SCFD2: variants seen among roughly 807,000 people sequenced by gnomAD.
SCFD2 encodes sec1 family domain-containing protein 2.
In SCFD2, 54 loss-of-function variants were observed where a neutral mutation model predicts 58.9. The ratio of observed to expected loss-of-function variants is 0.92; its 90% CI spans 0.74 to 1.15. The LOEUF (loss-of-function observed/expected upper bound fraction) is 1.15. Among genes scored for constraint, SCFD2 ranks in the 50% most tolerant of loss-of-function variants. The pLI is 0.00. For missense variants in SCFD2, 805 were observed against 836.6 expected (o/e 0.96, Z 0.47); for synonymous variants, 321 against 335.9 (o/e 0.96, Z 0.49).
intron 5 of SCFD2, among the ~76,000 whole-genome samples, chr4:53,132,167 A>T (rs533434940): frequency 1.3e-5 from 2 of 152,370 alleles, no homozygotes; most frequent in African/African-American, 4.8e-5. Flanking sequence ...GGAAGCTCTA[A>T]GTATCTTTCT....
At chr4:53,226,624 A>G (rs577586288) in intron 4 of SCFD2, among the ~76,000 whole-genome samples, 2 of 152,300 alleles carry the variant, frequency 1.3e-5, no homozygotes, top group African/African-American at 4.8e-5. Context: ...AAAAATAACA[A>G]TAAACAAAAC....
chr4:53,048,075 G>C (rs1432377038), intron 5 of SCFD2, among the ~76,000 whole-genome samples: 1 of 152,150 alleles, frequency 6.6e-6, no homozygotes, highest in East Asian at 1.9e-4. Flanking sequence ...TCTAGGCTAC[G>C]CGCAGTTGCT....
chr4:53,328,605 C>T (rs1733298010), intron 2 of SCFD2, among the ~76,000 whole-genome samples: 1 of 152,154 alleles, frequency 6.6e-6, no homozygotes, highest in South Asian at 2.1e-4. Context: ...TACAAACATA[C>T]ATACATGCGG....
At chr4:52,949,631 G>C (rs548203197) in intron 5 of SCFD2, 6 of 152,278 alleles carry the variant, frequency 3.9e-5, no homozygotes, top group African/African-American at 1.4e-4. Context: ...AGTTCCTCCT[G>C]GTCCACTGGC....
At chr4:53,195,148 C>T (rs1271525795) in intron 4 of SCFD2, among the ~76,000 whole-genome samples, 1 of 152,116 alleles carries the variant, frequency 6.6e-6, no homozygotes, top group Admixed American at 6.6e-5. Flanking sequence ...TTACTCAAGC[C>T]TCTGTATCCC....
chr4:53,238,585 G>A (rs1248589160), intron 4 of SCFD2, among the ~76,000 whole-genome samples: 3 of 151,124 alleles, frequency 2.0e-5, no homozygotes, highest in African/African-American at 7.3e-5. Context: ...CCGGGCGGAG[G>A]GGCTCCTCAC....
rs142133865 is a variant in SCFD2 at position 53,352,752 on chromosome 4, G to T, written c.853C>A (p.His285Asn). ...ATCTTCTCTACTAAGTTGTCTCCAT[G>T]ATGTCCAACTGCTCCTGTTTAAGCA... Reference protein sequence around the residue: ...TLDLTGAVGHHGDNLVEKIIS... With the variant: ...TLDLTGAVGHNGDNLVEKIIS... The change falls in exon 2 of 9, where the codon CAT becomes AAT. Residue 285 changes from histidine to asparagine, a missense_variant. By Grantham distance (68) the His-to-Asn change is moderately conservative (BLOSUM62 1). Around this residue, in one of 3 missense-constraint regions of SCFD2, gnomAD observed 633 missense variants for 646.8 expected, o/e 0.98. Coordinates refer to ENST00000401642, the MANE Select transcript of SCFD2 (RefSeq NM_152540.4). 2.6e-4 allele frequency: 416 copies of T among 1,613,916 alleles called. No individual in the cohort carries two copies. Among genetic ancestry groups the T allele is most frequent in the Middle Eastern group, 5.0e-4 (3 of 6,060 alleles).
Position 53,365,893 on chromosome 4 carries a change from C to T in SCFD2, c.49G>A (p.Val17Met), listed in dbSNP as rs751589307. The T allele has an allele frequency of 1.3e-6, 2 of 1,599,502 alleles. No homozygotes were observed. The highest frequency in any genetic ancestry group is 1.7e-6 in the Non-Finnish European group (2 of 1,175,474). The change falls in exon 1 of 9, where the codon GTG becomes ATG. Residue 17 changes from valine to methionine, a missense_variant. Coordinates refer to ENST00000401642, the MANE Select transcript of SCFD2 (RefSeq NM_152540.4). The surrounding 1 kb of genome is among the most constrained non-coding windows in gnomAD (Gnocchi z 4.3). Reference protein sequence around the residue: ...LSFTQQGWEQVLAKVKRAVVY... With the variant: ...LSFTQQGWEQMLAKVKRAVVY... ...ACAGCCCGTTTCACTTTGGCCAGCACCTGCTCCCATCCTTGCTGGGTAAAG... is the reference window on the plus strand; with the variant it reads ...ACAGCCCGTTTCACTTTGGCCAGCATCTGCTCCCATCCTTGCTGGGTAAAG...
chr4:53,244,783 T>C (rs1363451032), intron 4 of SCFD2, among the ~76,000 whole-genome samples: 1 of 147,796 alleles, frequency 6.8e-6, no homozygotes, highest in African/African-American at 2.5e-5. Flanking sequence ...GAAAAACCAT[T>C]CAAAAGATCA....
chr4:53,348,913 G>A (rs1238975389), intron 2 of SCFD2, among the ~76,000 whole-genome samples: 2 of 151,756 alleles, frequency 1.3e-5, no homozygotes, highest in South Asian at 2.1e-4. Context: ...TAAAGATGGG[G>A]TTTCACCATG....
At chr4:52,989,239 T>C (rs138041044) in intron 5 of SCFD2, among the ~76,000 whole-genome samples, 1 of 152,336 alleles carries the variant, frequency 6.6e-6, no homozygotes, top group East Asian at 1.9e-4. Flanking sequence ...ATTTGTGGAT[T>C]ATCTTATTAG....
At chr4:53,090,135 G>A (rs1268328052) in intron 5 of SCFD2, among the ~76,000 whole-genome samples, 1 of 152,148 alleles carries the variant, frequency 6.6e-6, no homozygotes, top group East Asian at 1.9e-4. Flanking sequence ...TGGCAAGTGG[G>A]ATTTCACTAA....
intron 5 of SCFD2, among the ~76,000 whole-genome samples, chr4:53,139,614 C>T (rs1245854488): frequency 6.6e-6 from 1 of 151,334 alleles, no homozygotes; most frequent in Non-Finnish European, 1.5e-5. Flanking sequence ...CCGGCTGCTG[C>T]CCCGTCTGGG....
At chr4:53,178,175 A>G (rs1338461441) in intron 4 of SCFD2, among the ~76,000 whole-genome samples, 1 of 152,174 alleles carries the variant, frequency 6.6e-6, no homozygotes, top group Non-Finnish European at 1.5e-5. Context: ...TTCTCCCGTC[A>G]TGCCTGAGAA....
chr4:53,237,340 C>T (rs1028233273), intron 4 of SCFD2, among the ~76,000 whole-genome samples: 16 of 151,964 alleles, frequency 1.1e-4, no homozygotes, highest in Non-Finnish European at 2.2e-4. Context: ...GGCCCGTTCT[C>T]AATGAGCTGT....
intron 3 of SCFD2, among the ~76,000 whole-genome samples, chr4:53,296,325 G>A (rs539000364): frequency 2.6e-5 from 4 of 152,148 alleles, no homozygotes; most frequent in East Asian, 1.9e-4. Flanking sequence ...ACTTGTTATC[G>A]GTCTATTCAG....
intron 5 of SCFD2, among the ~76,000 whole-genome samples, chr4:53,088,436 T>C (rs1239948856): frequency 6.6e-6 from 1 of 152,216 alleles, no homozygotes; most frequent in Non-Finnish European, 1.5e-5. Flanking sequence ...AGTCCCACTG[T>C]AGTGGGCCTG....
chr4:53,319,877 C>T (rs573747765), intron 2 of SCFD2, among the ~76,000 whole-genome samples: 10 of 152,196 alleles, frequency 6.6e-5, no homozygotes, highest in African/African-American at 1.7e-4. Flanking sequence ...CAAAATGAAA[C>T]GAGTTGCCTA....
intron 2 of SCFD2, among the ~76,000 whole-genome samples, chr4:53,320,243 C>A (rs757788131): frequency 7.9e-5 from 12 of 152,314 alleles, no homozygotes; most frequent in Non-Finnish European, 1.0e-4. Context: ...TACCATAATT[C>A]TACACTGTTC....
Sources: gnomAD v4.1 joint callset for allele counts (sites outside exome capture counted in the v4.1 genomes callset) on GRCh38, gnomAD v4.1.1 for gene constraint, gnomAD v4.1.1 regional missense constraint, Gnocchi (gnomAD v3.1) non-coding constraint, MANE v1.5 for transcripts, NCBI Gene and HGNC (gene_info 2026-07-23, HGNC 2026-07-21) for gene names.